GFRAL: variants seen among roughly 807,000 people sequenced by gnomAD.
GFRAL encodes GDNF family receptor alpha like, also known as GDNF family receptor alpha-like.
A neutral mutation model predicts 45.4 loss-of-function variants in GFRAL; 36 were observed. The ratio of observed to expected loss-of-function variants is 0.79; its 90% CI spans 0.61 to 1.05. The LOEUF (loss-of-function observed/expected upper bound fraction) is 1.05. Among genes scored for constraint, GFRAL ranks in the 50% least tolerant of loss-of-function variants. The pLI, the probability that GFRAL is intolerant of heterozygous loss-of-function variation, is 0.00. For missense variants in GFRAL, 507 were observed against 467.5 expected (o/e 1.08, Z -0.78); for synonymous variants, 166 against 154.1 (o/e 1.08, Z -0.57).
Position 55,399,429 on chromosome 6 carries a change from T to C in GFRAL, c.1109T>C (p.Met370Thr), listed in dbSNP as rs145926895. 118 of 1,606,198 alleles carry C rather than the reference T, an allele frequency of 7.3e-5. No individual in the cohort carries two copies. The African/African-American group carries it at 1.4e-3, about 19-fold the overall frequency. Residue 370 changes from methionine to threonine, a missense_variant, in exon 8 of 9, where the codon ATG (methionine) becomes ACG (threonine). Physicochemically the swap from Met to Thr is moderately conservative, Grantham distance 81. Coordinates refer to ENST00000340465, the MANE Select transcript of GFRAL (RefSeq NM_207410.2). ...ACCTGTGGAATCCTTCTGTTGGTTA[T>C]GGTCAAGCTTAGGTAACTGAATATA... ...TVTCGILLLV[M>T]VKLRTSRISS... is the part of the protein sequence containing the mutation.
chr6:55,351,903 A>AT (rs372969942), intron 5 of GFRAL, among the ~76,000 whole-genome samples: 9,717 of 150,170 alleles, frequency 0.065, 313 homozygotes, highest in East Asian at 0.15. Flanking sequence ...CAGCTTTTTA[A>AT]TTTTTTTTTT....
chr6:55,401,443 G>A (rs1012098882), intron 8 of GFRAL, among the ~76,000 whole-genome samples: 4 of 152,192 alleles, frequency 2.6e-5, no homozygotes, highest in African/African-American at 9.6e-5. Context: ...CCCAACCCAT[G>A]TGAATACCTG....
At chr6:55,395,768 C>T (rs1355851176) in intron 6 of GFRAL, among the ~76,000 whole-genome samples, 2 of 140,880 alleles carry the variant, frequency 1.4e-5, no homozygotes, top group African/African-American at 5.3e-5. Flanking sequence ...ACTACTGTTG[C>T]ACAAGGATTT....
At chr6:55,365,851 A>T (rs1015393801) in intron 6 of GFRAL, among the ~76,000 whole-genome samples, 1 of 148,498 alleles carries the variant, frequency 6.7e-6, no homozygotes, top group African/African-American at 2.5e-5. Context: ...CCAGTATTTT[A>T]TTGAGGTTTT....
At position 55,386,865 on chromosome 6, in the gene GFRAL, A is replaced by G. The variant is rs1768687225; in HGVS notation, c.953-12315A>G. On this transcript the variant is annotated intron_variant, in intron 6 of 8. Transcript: ENST00000340465. ...TTTGTCTGCAGACCTGAAACACTGC[A>G]TATTTGGCTAAGGCTTCCTATTTTG... Among the ~76,000 whole-genome samples the G allele has an allele frequency of 3.3e-5, 5 of 152,172 alleles. No homozygotes were observed. In the South Asian group the frequency reaches 1.0e-3, roughly 31 times the overall value.
chr6:55,349,754 A>C (rs548006026), intron 3 of GFRAL, among the ~76,000 whole-genome samples: 2 of 138,610 alleles, frequency 1.4e-5, no homozygotes, highest in East Asian at 4.3e-4. Flanking sequence ...TTCAGAAAAT[A>C]TTCCTTCTGT....
At chr6:55,375,170 G>A (rs1768507707) in intron 6 of GFRAL, among the ~76,000 whole-genome samples, 1 of 152,064 alleles carries the variant, frequency 6.6e-6, no homozygotes, top group African/African-American at 2.4e-5. Context: ...AATGTCAATG[G>A]TAGTTTAATG....
chr6:55,379,642 TC>T (rs750465697), intron 6 of GFRAL, among the ~76,000 whole-genome samples: 4 of 151,740 alleles, frequency 2.6e-5, no homozygotes, highest in Non-Finnish European at 4.4e-5. Flanking sequence ...ACACATAACC[TC>T]ACATAGTTAT....
At chr6:55,380,700 G>A (rs1288967073) in intron 6 of GFRAL, among the ~76,000 whole-genome samples, 2 of 151,884 alleles carry the variant, frequency 1.3e-5, no homozygotes, top group Non-Finnish European at 2.9e-5. Flanking sequence ...CAGCTCCCAA[G>A]GTGGCCTGCT....
At chr6:55,350,721 G>C (rs1768105500) in intron 4 of GFRAL, among the ~76,000 whole-genome samples, 1 of 151,962 alleles carries the variant, frequency 6.6e-6, no homozygotes, top group Admixed American at 6.6e-5. Flanking sequence ...AGTAGATAGT[G>C]ATTACATTTA....
chr6:55,330,478 G>A (rs562440667), intron 1 of GFRAL, among the ~76,000 whole-genome samples: 44 of 152,064 alleles, frequency 2.9e-4, no homozygotes, highest in Non-Finnish European at 5.6e-4. Context: ...CAATTTGAGT[G>A]TGGAAAAAGG....
At chr6:55,327,758 AT>A (rs1767784470) in intron 1 of GFRAL, among the ~76,000 whole-genome samples, 182 bp downstream of exon 1, 1 of 152,002 alleles carries the variant, frequency 6.6e-6, no homozygotes, top group South Asian at 2.1e-4. Flanking sequence ...TTACTCACTT[AT>A]TTCTAACTCT....
At chr6:55,350,227 AG>A (rs1396383738) in intron 4 of GFRAL, 82 bp downstream of exon 4, 237 of 776,522 alleles carry the variant, frequency 3.1e-4, no homozygotes, top group Non-Finnish European at 6.3e-5. Context: ...TCTTAAAGAT[AG>A]GCCAATACAG....
chr6:55,350,493 G>A (rs1299956174), intron 4 of GFRAL, among the ~76,000 whole-genome samples: 1 of 151,846 alleles, frequency 6.6e-6, no homozygotes, highest in Non-Finnish European at 1.5e-5. Context: ...TGGACAACAT[G>A]GCAAAACCCT....
chr6:55,401,756 G>A (rs1226858889), intron 8 of GFRAL, 34 bp from the exon 9 acceptor site: 1 of 1,179,472 alleles, frequency 8.5e-7, no homozygotes, highest in Non-Finnish European at 1.3e-6. Flanking sequence ...CCTTAAAATG[G>A]CATGTTGTTA....
intron 2 of GFRAL, among the ~76,000 whole-genome samples, chr6:55,333,560 T>G (rs939633641): frequency 6.6e-6 from 1 of 152,090 alleles, no homozygotes; most frequent in Admixed American, 6.6e-5. Context: ...AAAAAGCTAT[T>G]TTGAAATGCA....
intron 6 of GFRAL, among the ~76,000 whole-genome samples, chr6:55,387,335 G>A (rs1768693093): frequency 6.6e-6 from 1 of 152,128 alleles, no homozygotes; most frequent in Admixed American, 6.5e-5. Context: ...TATAATTGGG[G>A]ATAGGGTTAG....
intron 3 of GFRAL, among the ~76,000 whole-genome samples, chr6:55,337,357 T>C (rs1767904708): frequency 6.6e-6 from 1 of 150,496 alleles, no homozygotes; most frequent in African/African-American, 2.4e-5. Context: ...ATAAAGTATA[T>C]TGGCATGTTG....
chr6:55,351,167 C>G (rs751869505), intron 4 of GFRAL, 86 bp from the exon 5 acceptor site: 48 of 935,590 alleles, frequency 5.1e-5, no homozygotes, highest in Non-Finnish European at 7.3e-5. Flanking sequence ...GTATTTTGCT[C>G]ATAGACTTCT....
Sources: allele counts gnomAD v4.1 joint callset (sites outside exome capture counted in the v4.1 genomes callset), GRCh38; gene constraint gnomAD v4.1.1; transcripts MANE v1.5; gene names NCBI Gene and HGNC (gene_info 2026-07-23, HGNC 2026-07-21).